PTPRB: variants seen among roughly 807,000 people sequenced by gnomAD.
PTPRB encodes protein tyrosine phosphatase receptor type B.
PTPRB carries 97 observed loss-of-function variants against 238.1 expected under a neutral mutation model. That is an observed-to-expected ratio of 0.41 (90% CI 0.35 to 0.48). The LOEUF (loss-of-function observed/expected upper bound fraction) is 0.48. Among genes scored for constraint, PTPRB ranks in the 20% least tolerant of loss-of-function variants. PTPRB has a pLI of 0.30. For synonymous variants in PTPRB, 970 were observed against 995.4 expected (o/e 0.97, Z 0.48); for missense variants, 2,292 against 2,681.9 (o/e 0.85, Z 3.21).
chr12:70,530,459 A>G (rs1873050735), intron 32 of PTPRB, among the ~76,000 whole-genome samples: 1 of 149,924 alleles, frequency 6.7e-6, no homozygotes, highest in Admixed American at 6.6e-5. Context: ...ACATATACAC[A>G]TGTACACATA....
rs374773397 is a variant in PTPRB, at chr12:70,571,121, C to T, written c.3275G>A (p.Arg1092Gln). 4.6e-5 allele frequency: 74 copies of T among 1,613,802 alleles called. No individual in the cohort carries two copies. The highest frequency in any genetic ancestry group is 1.0e-4 in the Admixed American group (6 of 59,988). ...FHLVNTATEY[R>Q]FTSLTPGRQY... ...GCGGCCTGGTGTTAGGGAAGTAAAT[C>T]GATACTCGGTTGCGGTATTTACAAG... The change falls in exon 13 of 34, where the codon CGA becomes CAA. Residue 1092 changes from arginine (R) to glutamine (Q), a missense_variant. This residue lies in a region of PTPRB where 683 missense variants were observed against 862.0 expected (regional missense o/e 0.79). Transcript: ENST00000334414.
Position 70,539,839 on chromosome 12 carries a change from C to T in PTPRB, c.5684G>A (p.Arg1895Gln), listed in dbSNP as rs150844276. 16 of 1,589,666 alleles carry T rather than the reference C, an allele frequency of 1.0e-5. No individual in the cohort carries two copies. Among genetic ancestry groups the T allele is most frequent in the African/African-American group, 6.7e-5 (5 of 74,444 alleles). ...TTCTCTCTCTTACCAAGAAGTTTTC[C>T]GGTTACTGTGAAGAGAAGCCAAAAG... is the stretch of plus-strand genomic sequence containing the variant. ...VHLNLGQKGN[R>Q]KTSCPIKINQ... The change falls in exon 25 of 34, where the codon CGG becomes CAG. Residue 1895 changes from arginine (R) to glutamine (Q), a missense_variant. Arg to Gln is a conservative substitution (Grantham distance 43). Coordinates refer to ENST00000334414, the MANE Select transcript of PTPRB (RefSeq NM_001109754.4).
chr12:70,586,978 T>G (rs773055025), intron 9 of PTPRB, 29 bp downstream of exon 9: 2 of 1,588,970 alleles, frequency 1.3e-6, no homozygotes, highest in African/African-American at 1.4e-5. Context: ...CAGAACACTT[T>G]AAAATGTAAA....
intron 32 of PTPRB, among the ~76,000 whole-genome samples, chr12:70,530,329 T>C (rs1873015792): frequency 6.6e-6 from 1 of 152,160 alleles, no homozygotes; most frequent in African/African-American, 2.4e-5. Flanking sequence ...AATATACATA[T>C]ATATGTATAC....
Position 70,534,552 on chromosome 12 carries a change from C to T in PTPRB, c.6304G>A (p.Val2102Met). Reference sequence around the variant, plus strand: ...TTGATGTAGTCCCTGACAGTTCTCACAAACTGGATCAGAGACTGGGTGGTT... The same window carrying T: ...TTGATGTAGTCCCTGACAGTTCTCATAAACTGGATCAGAGACTGGGTGGTT... ...PETTQSLIQF[V>M]RTVRDYINRS... is the part of the protein sequence containing the mutation. Residue 2102 changes from valine to methionine, a missense_variant, in exon 31 of 34, where the codon GTG (valine) becomes ATG (methionine). Coordinates refer to ENST00000334414, the MANE Select transcript of PTPRB (RefSeq NM_001109754.4). 1.2e-6 allele frequency: 2 copies of T among 1,613,348 alleles called. No individual in the cohort carries two copies. Among genetic ancestry groups the T allele is most frequent in the Non-Finnish European group, 1.7e-6 (2 of 1,179,658 alleles).
At position 70,585,647 on chromosome 12, in the gene PTPRB, A is replaced by T. The variant is rs12301400; in HGVS notation, c.2311+1360T>A. 4.4e-3 allele frequency among the ~76,000 whole-genome samples: 668 copies of T among 151,994 alleles called. 3 individuals carry two copies. The highest frequency in any genetic ancestry group is 0.017 in the Middle Eastern group (5 of 294). On this transcript the variant is annotated intron_variant, in intron 9 of 33. Coordinates refer to ENST00000334414, the MANE Select transcript of PTPRB (RefSeq NM_001109754.4). ...CACCATGATTTTTAAAAATTAATTA[A>T]TTAATTAATTTTATTACACTTTAAG...
chr12:70,536,233 A>C, intron 28 of PTPRB, 74 bp from the exon 29 acceptor site: 2 of 1,499,064 alleles, frequency 1.3e-6, no homozygotes, highest in South Asian at 2.5e-5. Context: ...AGTTCTTCAG[A>C]TTAGATGATA....
Position 70,571,056 on chromosome 12 carries a change from G to A in PTPRB, c.3340C>T (p.Gln1114Ter), listed in dbSNP as rs541207389. ...ILVLTISGDV[Q>*]QSAFIEGFTV... ...AAGCCCTCAATGAAGGCTGACTGCT[G>A]TACATCCCCGCTAATCGTCAAGACA... The change falls in exon 13 of 34, where the codon CAG becomes TAG. Residue 1114 changes from glutamine to a stop codon, truncating the protein, a stop_gained. Transcript: ENST00000334414. LOFTEE classifies it high-confidence loss of function. 6.2e-7 allele frequency: 1 copy of A among 1,614,008 alleles called. No homozygotes were observed. The highest frequency in any genetic ancestry group is 1.1e-5 in the South Asian group (1 of 91,076).
At chr12:70,539,875 T>C in intron 24 of PTPRB, 31 bp from the exon 25 acceptor site, 9 of 1,576,636 alleles carry the variant, frequency 5.7e-6, no homozygotes, top group Non-Finnish European at 7.0e-6. Context: ...AGGAAGACTT[T>C]GTTAGCAAAT....
intron 6 of PTPRB, 74 bp from the exon 7 acceptor site, chr12:70,592,619 T>C (rs1480072062): frequency 1.4e-6 from 2 of 1,476,332 alleles, no homozygotes; most frequent in Non-Finnish European, 9.1e-7. Context: ...TTTTGACCTG[T>C]AATTTTATTT....
At chr12:70,570,398 G>A (rs1250689848) in intron 13 of PTPRB, among the ~76,000 whole-genome samples, 1 of 152,094 alleles carries the variant, frequency 6.6e-6, no homozygotes, top group Non-Finnish European at 1.5e-5. Context: ...CCAGGCTGGA[G>A]TGCAATGGCA....
chr12:70,572,221 T>G, intron 11 of PTPRB, 134 bp from the exon 12 acceptor site: 1 of 929,584 alleles, frequency 1.1e-6, no homozygotes, highest in Non-Finnish European at 1.6e-6. Flanking sequence ...TCTTAGACCT[T>G]AGGTTACAAA....
At position 70,571,810 on chromosome 12, in the gene PTPRB, A is replaced by G; in HGVS notation, c.3106+14T>C. 1 of 1,599,734 alleles carries G rather than the reference A, an allele frequency of 6.3e-7. No homozygotes were observed. Among genetic ancestry groups the G allele is most frequent in the Non-Finnish European group, 8.5e-7 (1 of 1,173,394 alleles). ...GTCCAACCAACTGTCAGATTTTGCAATCGTTCCACTTACTTGTTCTCCCAT... is the reference window on the plus strand; with the variant it reads ...GTCCAACCAACTGTCAGATTTTGCAGTCGTTCCACTTACTTGTTCTCCCAT... On this transcript the variant is annotated intron_variant, in intron 12 of 33. Coordinates refer to ENST00000334414, the MANE Select transcript of PTPRB (RefSeq NM_001109754.4).
At chr12:70,582,313 A>G (rs2136426964) in intron 9 of PTPRB, among the ~76,000 whole-genome samples, 1 of 152,284 alleles carries the variant, frequency 6.6e-6, no homozygotes, top group Non-Finnish European at 1.5e-5. Flanking sequence ...TTCAATTCTA[A>G]AGATTCAATT....
In PTPRB at chr12:70,635,998, A is replaced by G. The variant is rs766827190; in HGVS notation, c.124T>C (p.Ser42Pro). 1.2e-6 allele frequency: 2 copies of G among 1,613,624 alleles called. No homozygotes were observed. Among genetic ancestry groups the G allele is most frequent in the East Asian group, 2.2e-5 (1 of 44,838 alleles). Residue 42 changes from serine to proline, a missense_variant, in exon 2 of 34, where the codon TCA becomes CCA. Ser to Pro is a moderately conservative substitution (Grantham distance 74, BLOSUM62 -1). Around this residue, in one of 4 missense-constraint regions of PTPRB, gnomAD observed 1,205 missense variants for 1,287.8 expected, o/e 0.94. Transcript: ENST00000334414. ...TGGTTCTGGATGGTCCTGTTGCATGAGCCCACGACCACTTTCTCATTTTTG... is the reference window on the plus strand; with the variant it reads ...TGGTTCTGGATGGTCCTGTTGCATGGGCCCACGACCACTTTCTCATTTTTG... ...LFKNEKVVVG[S>P]CNRTIQNQQW... is the part of the protein sequence containing the mutation.
chr12:70,522,863 C>A (rs59924800), intron 33 of PTPRB, among the ~76,000 whole-genome samples: 26 of 118,246 alleles, frequency 2.2e-4, no homozygotes, highest in African/African-American at 8.7e-4. Context: ...TTTGTTTTTT[C>A]TTTTTTTTTT....
chr12:70,609,798 G>A, intron 3 of PTPRB: 1 of 1,586,608 alleles, frequency 6.3e-7, no homozygotes. Context: ...GGCCAACCCG[G>A]CTCCATGGCT....
chr12:70,537,059 C>G (rs1592413349), intron 28 of PTPRB, among the ~76,000 whole-genome samples: 1 of 151,986 alleles, frequency 6.6e-6, no homozygotes, highest in Non-Finnish European at 1.5e-5. Flanking sequence ...CCAAGGCGGG[C>G]GGATCATGAG....
Position 70,592,455 on chromosome 12 carries a change from T to G in PTPRB, c.1607A>C (p.Asp536Ala), listed in dbSNP as rs758416553. The change falls in exon 7 of 34, where the codon GAT (aspartate) becomes GCT (alanine). Residue 536 changes from aspartate (D) to alanine (A), a missense_variant. Transcript: ENST00000334414. ...VKWQRPPGNV[D>A]SYNITLSHKG... ...GTGAGACAGGGTGATATTGTAAGAA[T>G]CCACATTTCCAGGAGGTCTTTGCCA... 1 of 1,613,786 alleles carries G rather than the reference T, an allele frequency of 6.2e-7. No homozygotes were observed. The highest frequency in any genetic ancestry group is 1.3e-5 in the African/African-American group (1 of 74,928).
Sources: allele counts gnomAD v4.1 joint callset (sites outside exome capture counted in the v4.1 genomes callset), GRCh38; gene constraint gnomAD v4.1.1; regional missense constraint gnomAD v4.1.1; transcripts MANE v1.5; gene names NCBI Gene and HGNC (gene_info 2026-07-23, HGNC 2026-07-21).